Variants in COX6B2 observed in about 807,000 individuals in gnomAD.
The protein encoded by COX6B2 is COX VIb-2.
A neutral mutation model predicts 13.7 loss-of-function variants in COX6B2; 12 were observed. The observed-to-expected ratio is 0.87, with a 90% CI of 0.56 to 1.41. The LOEUF is 1.41. Ranked by LOEUF, COX6B2 falls within the 40% of genes most tolerant of loss-of-function variation. COX6B2 has a pLI of 0.00. For missense variants in COX6B2, 130 were observed against 118.3 expected (o/e 1.10, Z -0.46); for synonymous variants, 56 against 46.6 (o/e 1.20, Z -0.82).
At chr19:55,354,303 C>T (rs2089693159) in intron 2 of COX6B2, 107 bp downstream of exon 2, 2 of 1,046,702 alleles carry the variant, frequency 1.9e-6, no homozygotes, top group Non-Finnish European at 3.0e-6. Flanking sequence ...CGGCCCCGCC[C>T]GGCCTCCCAC....
At chr19:55,351,311 C>T (rs2089668892) in intron 4 of COX6B2, among the ~76,000 whole-genome samples, 1 of 152,200 alleles carries the variant, frequency 6.6e-6, no homozygotes, top group South Asian at 2.1e-4. Flanking sequence ...TCCCAGGCCA[C>T]ATGGTTAGTA....
At chr19:55,351,697 A>G (rs1278228267) in intron 4 of COX6B2, 3 of 152,292 alleles carry the variant, frequency 2.0e-5, no homozygotes, top group Non-Finnish European at 2.9e-5. Flanking sequence ...GTTTTCTCTG[A>G]CCTGGGAGGT....
In COX6B2 at chr19:55,353,911, G is replaced by T. The variant is rs138900187; in HGVS notation, c.168C>A (p.Cys56Ter). 1.2e-3 allele frequency: 1,816 copies of T among 1,570,652 alleles called. 16 individuals carry two copies. In the African/African-American group the frequency reaches 0.022, roughly 19 times the overall value. Residue 56 changes from cysteine (C) to a stop codon, truncating the protein, a stop_gained, in exon 3 of 5, where the codon TGC becomes TGA. Coordinates refer to ENST00000326529, the MANE Select transcript of COX6B2 (RefSeq NM_144613.5). LOFTEE classifies it high-confidence loss of function. ...AGTGGTACACGCGGAAATAGTACTC[G>T]CAGGGCTGCGTGCTCTTCCCGCGGC... ...RTRRGKSTQP[C>*]EYYFRVYHSL...
chr19:55,353,716 G>T lies in COX6B2; in HGVS notation c.*5C>A. ...GCATCTTCAGAGGAAGCCGCGCTGG[G>T]GCAGTCAGATTTTGCCGGCGAAAAT... On this transcript the variant is annotated 3_prime_UTR_variant, in exon 4 of 5. Transcript: ENST00000326529. 1 of 1,609,074 alleles carries T rather than the reference G, an allele frequency of 6.2e-7. No individual in the cohort carries two copies.
At position 55,352,023 on chromosome 19, in the gene COX6B2, G is replaced by T; in HGVS notation, c.*115-1223C>A. The T allele has an allele frequency of 6.5e-6, 1 of 152,900 alleles. No homozygotes were observed. 9.5% of individuals were successfully genotyped at this position (152,900 alleles called of 1,614,324 possible). A position where few individuals can be genotyped will look rare whatever the true frequency, so the allele number is the denominator to read the frequency against. ...AAATGGGTTCTAGACACGGCTCTGGGGAGGTCAGGAGGCTGCTGTGGCTGC... is the reference window on the plus strand; with the variant it reads ...AAATGGGTTCTAGACACGGCTCTGGTGAGGTCAGGAGGCTGCTGTGGCTGC... On this transcript the variant is annotated intron_variant, in intron 4 of 4. Transcript: ENST00000326529. This position sits in a 1 kb window ranked among gnomAD's most constrained non-coding sequence, Gnocchi z 6.2.
rs377408076 is a variant in COX6B2, at chr19:55,353,920, C to T, written c.159G>A (p.Thr53=). Residue 53 remains threonine, a synonymous_variant, in exon 3 of 5, where the codon ACG becomes ACA. Coordinates refer to ENST00000326529, the MANE Select transcript of COX6B2 (RefSeq NM_144613.5). The part of the protein sequence containing the change: ...LKTRTRRGKS[T]QPCEYYFRVY... The stretch of plus-strand genomic sequence containing the variant: ...CGCGGAAATAGTACTCGCAGGGCTG[C>T]GTGCTCTTCCCGCGGCGGGTCCTGG... 2.5e-6 allele frequency: 4 copies of T among 1,570,188 alleles called. No individual in the cohort carries two copies. In the East Asian group the frequency reaches 7.1e-5, roughly 28 times the overall value.
chr19:55,351,196 C>T (rs1220607217), intron 4 of COX6B2, among the ~76,000 whole-genome samples: 2 of 152,238 alleles, frequency 1.3e-5, no homozygotes, highest in Non-Finnish European at 1.5e-5. Flanking sequence ...TATGTTTTCA[C>T]ATCGCCGTCC....
intron 2 of COX6B2, 143 bp from the exon 3 acceptor site, chr19:55,354,109 A>T (rs1397100159): frequency 5.2e-6 from 3 of 581,726 alleles, no homozygotes. Context: ...CCTCCCAGCC[A>T]GGCCCCGACC....
At chr19:55,354,085 G>A (rs2089690273) in intron 2 of COX6B2, 119 bp from the exon 3 acceptor site, 1 of 917,642 alleles carries the variant, frequency 1.1e-6, no homozygotes, top group Admixed American at 2.1e-5. Context: ...TCCCCTGGAG[G>A]CCTCCGTCCC....
At position 55,353,977 on chromosome 19, in the gene COX6B2, C is replaced by G. The variant is rs963574618; in HGVS notation, c.113-11G>C. On this transcript the variant is annotated splice_polypyrimidine_tract_variant and intron_variant, in intron 2 of 4. Transcript: ENST00000326529. ...GGCAGCGGTGGTAGTCTGTGGCGGG[C>G]GGGGGTCACGCGGCAAGCCACGCCC... 3.3e-6 allele frequency: 5 copies of G among 1,537,046 alleles called. No individual in the cohort carries two copies. In the African/African-American group the frequency reaches 4.1e-5, roughly 13 times the overall value.
Position 55,354,429 on chromosome 19 carries a change from GTTACGGATCT to G in COX6B2, c.83_92del (p.Gln28ProfsTer96). 1 of 1,613,856 alleles carries G rather than the reference GTTACGGATCT, an allele frequency of 6.2e-7. No homozygotes were observed. On this transcript the variant is annotated frameshift_variant, in exon 2 of 5. Transcript: ENST00000326529. LOFTEE classifies it high-confidence loss of function. ...TCTCACCCAGGAAGTTCTGGTAGCAGTTACGGATCTGGTTCTGGCTGGGGAAGCGCGGGTC... is the reference window on the plus strand; with the variant it reads ...TCTCACCCAGGAAGTTCTGGTAGCAGGGTTCTGGCTGGGGAAGCGCGGGTC...
At position 55,353,587 on chromosome 19, in the gene COX6B2, A is replaced by C; in HGVS notation, c.*114+20T>G. The C allele has an allele frequency of 2.4e-6, 2 of 822,028 alleles. No individual in the cohort carries two copies. The highest frequency in any genetic ancestry group is 3.4e-5 in the South Asian group (2 of 58,398). The allele number at this position is 822,028 out of a possible 1,614,324, so 50.9% of individuals were successfully genotyped here. On this transcript the variant is annotated intron_variant, in intron 4 of 4. Transcript: ENST00000326529. ...GCATCGCTGGCTGGGCATTAAGAAG[A>C]AACATCAGCAACAGCATACCATTAT...
intron 4 of COX6B2, among the ~76,000 whole-genome samples, chr19:55,351,087 C>T (rs115823584): frequency 4.6e-5 from 7 of 152,226 alleles, no homozygotes; most frequent in African/African-American, 1.4e-4. Flanking sequence ...GGCACCAGAA[C>T]TGGGCCGACA....
chr19:55,354,495 G>C lies in COX6B2; in HGVS notation c.27C>G (p.Pro9=). 2 of 1,613,064 alleles carry C rather than the reference G, an allele frequency of 1.2e-6. No homozygotes were observed. Among genetic ancestry groups the C allele is most frequent in the Non-Finnish European group, 1.7e-6 (2 of 1,179,328 alleles). MLDVEAQE[P]PKGKWSTPPF... is the part of the protein sequence containing the mutation. Reference sequence around the variant, plus strand: ...GCGGCGTCGACCATTTCCCCTTGGGGGGCTCCTGGGCTTCCACATCCAACA... The same window carrying C: ...GCGGCGTCGACCATTTCCCCTTGGGCGGCTCCTGGGCTTCCACATCCAACA... Residue 9 remains proline, a synonymous_variant, in exon 2 of 5, where the codon CCC becomes CCG. Coordinates refer to ENST00000326529, the MANE Select transcript of COX6B2 (RefSeq NM_144613.5).
In COX6B2 at chr19:55,354,440, G is replaced by T. The variant is rs769864857; in HGVS notation, c.82C>A (p.Gln28Lys). 19 of 1,613,998 alleles carry T rather than the reference G, an allele frequency of 1.2e-5. No homozygotes were observed. The highest frequency in any genetic ancestry group is 1.4e-5 in the Non-Finnish European group (16 of 1,179,948). ...PFDPRFPSQNQIRNCYQNFLD... is the reference protein window; with the variant it reads ...PFDPRFPSQNKIRNCYQNFLD... ...AAGTTCTGGTAGCAGTTACGGATCT[G>T]GTTCTGGCTGGGGAAGCGCGGGTCG... The change falls in exon 2 of 5, where the codon CAG becomes AAG. Residue 28 changes from glutamine to lysine, a missense_variant. Coordinates refer to ENST00000326529, the MANE Select transcript of COX6B2 (RefSeq NM_144613.5).
chr19:55,354,137 GCTC>G, intron 2 of COX6B2, 171 bp from the exon 3 acceptor site: 1 of 650,402 alleles, frequency 1.5e-6, no homozygotes, highest in South Asian at 1.8e-5. Context: ...CCCTCACACT[GCTC>G]CTCCTACCCA....
chr19:55,354,537 C>G lies in COX6B2; in HGVS notation c.-16G>C. Reference sequence around the variant, plus strand: ...CATCCAACATCCACGAAGGAGGCAACTCCTGCGAGACGGGACGGGACGGGG... The same window carrying G: ...CATCCAACATCCACGAAGGAGGCAAGTCCTGCGAGACGGGACGGGACGGGG... On this transcript the variant is annotated splice_region_variant and 5_prime_UTR_variant, in exon 2 of 5. Coordinates refer to ENST00000326529, the MANE Select transcript of COX6B2 (RefSeq NM_144613.5). 6.3e-7 allele frequency: 1 copy of G among 1,584,526 alleles called. No individual in the cohort carries two copies. The highest frequency in any genetic ancestry group is 8.6e-7 in the Non-Finnish European group (1 of 1,157,184).
intron 2 of COX6B2, 196 bp downstream of exon 2, chr19:55,354,214 G>C: frequency 1.5e-6 from 1 of 646,272 alleles, no homozygotes; most frequent in Non-Finnish European, 2.7e-6. Flanking sequence ...TCCAGATCAG[G>C]CCTCGCCCCT....
In COX6B2 at chr19:55,353,601, G is replaced by A; in HGVS notation, c.*114+6C>T. 1 of 906,152 alleles carries A rather than the reference G, an allele frequency of 1.1e-6. No individual in the cohort carries two copies. The highest frequency in any genetic ancestry group is 1.6e-5 in the South Asian group (1 of 63,482). The allele number at this position is 906,152 out of a possible 1,614,324, so 56.1% of individuals were successfully genotyped here. ...GCATTAAGAAGAAACATCAGCAACA[G>A]CATACCATTATTCGTGGCTTAGACA... On this transcript the variant is annotated splice_donor_region_variant and intron_variant, in intron 4 of 4. Transcript: ENST00000326529.
Sources: allele counts gnomAD v4.1 joint callset (sites outside exome capture counted in the v4.1 genomes callset), GRCh38; gene constraint gnomAD v4.1.1; non-coding constraint Gnocchi (gnomAD v3.1); transcripts MANE v1.5; gene names NCBI Gene and HGNC (gene_info 2026-07-23, HGNC 2026-07-21).